The following CARS2 variants were observed in gnomAD, a reference collection of about 807,000 sequenced individuals.
CARS2 encodes the protein probable cysteine--tRNA ligase, mitochondrial.
Under a neutral mutation model 68.8 loss-of-function variants are expected in CARS2, and 52 were observed. The ratio of observed to expected loss-of-function variants is 0.76; its 90% confidence interval spans 0.61 to 0.95. The LOEUF is 0.95. CARS2 is among the 40% of genes least tolerant of loss of function. CARS2 has a pLI of 0.00. For synonymous variants in CARS2, 314 were observed against 303.6 expected (o/e 1.03, Z -0.36); for missense variants, 780 against 754.2 (o/e 1.03, Z -0.40).
At chr13:110,671,096 C>T (rs1379730100) in intron 7 of CARS2, among the ~76,000 whole-genome samples, 2 of 151,980 alleles carry the variant, frequency 1.3e-5, no homozygotes, top group African/African-American at 4.8e-5. Context: ...GATTGGTGTA[C>T]CTGAAAGTGA....
chr13:110,660,197 G>T (rs1196437080), intron 9 of CARS2, among the ~76,000 whole-genome samples: 1 of 152,136 alleles, frequency 6.6e-6, no homozygotes, highest in Non-Finnish European at 1.5e-5. Flanking sequence ...CACATCTCCA[G>T]GATCCATTTC....
intron 7 of CARS2, among the ~76,000 whole-genome samples, chr13:110,669,329 G>A (rs770028435): frequency 1.3e-5 from 2 of 152,018 alleles, no homozygotes; most frequent in African/African-American, 2.4e-5. Context: ...CAGAGTCCTC[G>A]TGTGGGAGAT....
At chr13:110,709,498 T>C (rs1202496497), upstream of CARS2, among the ~76,000 whole-genome samples, 2 of 152,166 alleles carry the variant, frequency 1.3e-5, no homozygotes, top group Non-Finnish European at 2.9e-5. Flanking sequence ...ATATTGAATA[T>C]CTGCAGGTTG....
chr13:110,712,099 C>T (rs1236879629), intron 1 of CARS2: 1 of 152,246 alleles, frequency 6.6e-6, no homozygotes, highest in Non-Finnish European at 1.5e-5. Flanking sequence ...TGGATAAAAG[C>T]TGAAATCCGA....
intron 3 of CARS2, among the ~76,000 whole-genome samples, chr13:110,691,281 G>C (rs1201210380): frequency 1.3e-5 from 2 of 152,190 alleles, no homozygotes; most frequent in Non-Finnish European, 2.9e-5. Context: ...CTCCTGAAGT[G>C]CTGGGATTAC....
Position 110,694,368 on chromosome 13 carries a change from T to C in CARS2, c.394-6350A>G, listed in dbSNP as rs554233423. Among the ~76,000 whole-genome samples the C allele has an allele frequency of 4.7e-3, 699 of 149,906 alleles. 11 individuals are homozygous for C. The highest frequency in any genetic ancestry group is 0.016 in the African/African-American group (667 of 41,082). On this transcript the variant is annotated intron_variant, in intron 3 of 14. Coordinates refer to ENST00000257347, the MANE Select transcript of CARS2 (RefSeq NM_024537.4). ...ATAAAATGTTACTGGCTGGCCGTGGTAGCTCACGCCTGTAATCCCAGCACT... is the reference window on the plus strand; with the variant it reads ...ATAAAATGTTACTGGCTGGCCGTGGCAGCTCACGCCTGTAATCCCAGCACT...
At chr13:110,703,462 C>G (rs1472013339) in intron 2 of CARS2, among the ~76,000 whole-genome samples, 1 of 152,194 alleles carries the variant, frequency 6.6e-6, no homozygotes, top group Non-Finnish European at 1.5e-5. Flanking sequence ...TGGGAAGGCC[C>G]TGTGTGGACA....
chr13:110,659,582 C>T (rs78173412), intron 9 of CARS2, among the ~76,000 whole-genome samples: 6,922 of 152,020 alleles, frequency 0.046, 246 homozygotes, highest in East Asian at 0.12. Context: ...CACAATAAAG[C>T]GAATATCACA....
chr13:110,644,798 G>T, intron 12 of CARS2: 1 of 291,746 alleles, frequency 3.4e-6, no homozygotes, highest in Non-Finnish European at 6.7e-6. Context: ...GGCTGAGTGG[G>T]CACTGGGCTG....
At chr13:110,691,760 T>C (rs2063464790) in intron 3 of CARS2, among the ~76,000 whole-genome samples, 2 of 152,036 alleles carry the variant, frequency 1.3e-5, no homozygotes, top group African/African-American at 2.4e-5. Flanking sequence ...ATGCGTGCTT[T>C]GTACAGGTGT....
At chr13:110,666,390 CAGCTTTGTTTCT>C in intron 8 of CARS2, 1 of 985,384 alleles carries the variant, frequency 1.0e-6, no homozygotes, top group Non-Finnish European at 1.2e-6. Context: ...GCCACGCAGC[CAGCTTTGTTTCT>C]GCTTCATTTT....
In CARS2 at chr13:110,653,779, C is replaced by T. The variant is rs1407756006; in HGVS notation, c.988-2679G>A. On this transcript the variant is annotated intron_variant, in intron 9 of 14. Coordinates refer to ENST00000257347, the MANE Select transcript of CARS2 (RefSeq NM_024537.4). The surrounding 1 kb of genome is among the most constrained non-coding windows in gnomAD (Gnocchi z 5.6). ...GAGTTTATACGGACTAAAGGAGAAA[C>T]ATATTATAACTTCTTCATTACACAG... Among the ~76,000 whole-genome samples the T allele has an allele frequency of 6.6e-6, 1 of 152,144 alleles. No homozygotes were observed. The highest frequency in any genetic ancestry group is 2.4e-5 in the African/African-American group (1 of 41,416).
upstream of CARS2, chr13:110,706,334 C>T: frequency 6.9e-6 from 2 of 291,566 alleles, no homozygotes; most frequent in Non-Finnish European, 1.3e-5. Context: ...GGGAGGAGGG[C>T]GGTGCCGCGC....
rs1048726603 is a variant in CARS2, at chr13:110,653,093, G to C, written c.988-1993C>G. Among the ~76,000 whole-genome samples the C allele has an allele frequency of 4.0e-5, 6 of 151,604 alleles. No homozygotes were observed. Among genetic ancestry groups the C allele is most frequent in the Non-Finnish European group, 8.8e-5 (6 of 67,958 alleles). On this transcript the variant is annotated intron_variant, in intron 9 of 14. Coordinates refer to ENST00000257347, the MANE Select transcript of CARS2 (RefSeq NM_024537.4). The surrounding 1 kb of genome is among the most constrained non-coding windows in gnomAD (Gnocchi z 5.6). ...ACTTCAGTATCATCAACGGCCTTTG[G>C]GATCCTATGTATTTTATTTTACGTA...
chr13:110,657,007 A>C (rs550117452), intron 9 of CARS2, among the ~76,000 whole-genome samples: 38 of 152,348 alleles, frequency 2.5e-4, no homozygotes, highest in Middle Eastern at 3.4e-3. Flanking sequence ...CATTTCAATA[A>C]AGCTATTAGT....
intron 3 of CARS2, among the ~76,000 whole-genome samples, chr13:110,698,468 G>A (rs932146053): frequency 2.6e-5 from 4 of 151,610 alleles, no homozygotes; most frequent in African/African-American, 7.3e-5. Flanking sequence ...TGCAGTGAGC[G>A]GAGATAGCAC....
chr13:110,677,898 C>T (rs2063013121), intron 6 of CARS2: 1 of 152,528 alleles, frequency 6.6e-6, no homozygotes, highest in Non-Finnish European at 1.5e-5. Context: ...CCCCCCACCA[C>T]AGAAACTCAG....
chr13:110,705,814 T>G lies in CARS2; in HGVS notation c.224+56A>C. On this transcript the variant is annotated intron_variant, in intron 1 of 14. Coordinates refer to ENST00000257347, the MANE Select transcript of CARS2 (RefSeq NM_024537.4). The surrounding 1 kb of genome is among the most constrained non-coding windows in gnomAD (Gnocchi z 4.0). ...CCCGAGCCCAGATCCCGTTCAGCCG[T>G]GGGAAGTCTCCGCCACGATCGGCCC... 1.3e-6 allele frequency: 2 copies of G among 1,525,262 alleles called. No individual in the cohort carries two copies. Among genetic ancestry groups the G allele is most frequent in the Non-Finnish European group, 1.8e-6 (2 of 1,137,748 alleles). 94.5% of individuals were successfully genotyped at this position (1,525,262 alleles called of 1,614,324 possible).
At chr13:110,707,551 AC>A (rs2063988803), upstream of CARS2, 1 of 151,956 alleles carries the variant, frequency 6.6e-6, no homozygotes. Flanking sequence ...GGAGGCTGAG[AC>A]AAGAGAATCG....
Sources: allele counts gnomAD v4.1 joint callset (sites outside exome capture counted in the v4.1 genomes callset), GRCh38; gene constraint gnomAD v4.1.1; non-coding constraint Gnocchi (gnomAD v3.1); transcripts MANE v1.5; gene names NCBI Gene and HGNC (gene_info 2026-07-23, HGNC 2026-07-21).